Variants in CPLX2 observed in about 807,000 individuals in gnomAD.
CPLX2 encodes the protein complexin-2.
CPLX2 carries 5 observed loss-of-function variants against 16.3 expected under a neutral mutation model. The ratio of observed to expected loss-of-function variants is 0.31; its 90% CI spans 0.16 to 0.64. The LOEUF is 0.64. CPLX2 is among the 30% of genes least tolerant of loss of function. The pLI is 0.79. For missense variants in CPLX2, 144 were observed against 181.4 expected (o/e 0.79, Z 1.18); for synonymous variants, 89 against 73.2 (o/e 1.22, Z -1.10).
At chr5:175,816,269 G>A (rs969744959) in intron 2 of CPLX2, among the ~76,000 whole-genome samples, 1 of 152,096 alleles carries the variant, frequency 6.6e-6, no homozygotes, top group Non-Finnish European at 1.5e-5. Context: ...CTGGGTTCAA[G>A]CGATTCTCCT....
At chr5:175,867,624 T>C (rs1347163002), upstream of CPLX2, among the ~76,000 whole-genome samples, 1 of 152,066 alleles carries the variant, frequency 6.6e-6, no homozygotes, top group Non-Finnish European at 1.5e-5. Flanking sequence ...CGTAGGTCTA[T>C]ACCATCACAC....
At position 175,809,936 on chromosome 5, in the gene CPLX2, C is replaced by T. The variant is rs1297932440; in HGVS notation, c.-89+868C>T. Reference sequence around the variant, plus strand: ...TATGTGGATATAGAGATCGCTCGATCGCTATAGATATCGTTGCTCATCCAG... The same window carrying T: ...TATGTGGATATAGAGATCGCTCGATTGCTATAGATATCGTTGCTCATCCAG... On this transcript the variant is annotated intron_variant, in intron 2 of 4. Transcript: ENST00000359546. The surrounding 1 kb of genome is among the most constrained non-coding windows in gnomAD (Gnocchi z 4.4). Among the ~76,000 whole-genome samples the T allele has an allele frequency of 6.6e-6, 1 of 152,182 alleles. No homozygotes were observed. The highest frequency in any genetic ancestry group is 1.5e-5 in the Non-Finnish European group (1 of 68,038).
At chr5:175,802,098 A>T (rs954651543) in intron 1 of CPLX2, among the ~76,000 whole-genome samples, 9 of 152,218 alleles carry the variant, frequency 5.9e-5, no homozygotes, top group Non-Finnish European at 1.2e-4. Context: ...TGCCTAGGGT[A>T]TTCTCAGAAA....
intron 2 of CPLX2, among the ~76,000 whole-genome samples, chr5:175,863,487 G>A (rs1038537047): frequency 6.6e-6 from 1 of 152,190 alleles, no homozygotes; most frequent in Non-Finnish European, 1.5e-5. Context: ...TGGAGATAAT[G>A]ATATTTAAGG....
rs369063650 is a variant in CPLX2, at chr5:175,802,554, G to A, written c.-169+5770G>A. On this transcript the variant is annotated intron_variant, in intron 1 of 4. Transcript: ENST00000359546. The stretch of plus-strand genomic sequence containing the variant: ...CTGCGACAGCCAGGAGGGCAAGCAG[G>A]GTCTTGCAGTTCAAGCAGCAAATGG... Among the ~76,000 whole-genome samples, 346 of 152,278 alleles carry A rather than the reference G, an allele frequency of 2.3e-3. 1 individual carries two copies. Among genetic ancestry groups the A allele is most frequent in the African/African-American group, 8.0e-3 (333 of 41,568 alleles).
chr5:175,861,184 G>A (rs1468588120), intron 2 of CPLX2, among the ~76,000 whole-genome samples: 1 of 152,168 alleles, frequency 6.6e-6, no homozygotes, highest in Non-Finnish European at 1.5e-5. Flanking sequence ...TGCCAGGCAT[G>A]TATTCTACCT....
intron 2 of CPLX2, among the ~76,000 whole-genome samples, chr5:175,833,383 A>G (rs1758767303): frequency 6.6e-6 from 1 of 152,062 alleles, no homozygotes; most frequent in Non-Finnish European, 1.5e-5. Context: ...ACTCGTGGTG[A>G]AGAAACACAA....
In CPLX2 at chr5:175,879,139, C is replaced by A. The variant is rs139443061; in HGVS notation, c.207+56C>A. On this transcript the variant is annotated intron_variant, in intron 3 of 3. Coordinates refer to ENST00000393745, the MANE Select transcript of CPLX2 (RefSeq NM_001008220.2). ...AGGGCCACAAGCGGGTAAAACCGGTCCAGCTAAAGCCCCTGCTGGGGCTCC... is the reference window on the plus strand; with the variant it reads ...AGGGCCACAAGCGGGTAAAACCGGTACAGCTAAAGCCCCTGCTGGGGCTCC... 2.8e-4 allele frequency: 423 copies of A among 1,498,502 alleles called. 2 individuals are homozygous for A. The African/African-American group carries it at 5.0e-3, about 18-fold the overall frequency. 92.8% of individuals were successfully genotyped at this position (1,498,502 alleles called of 1,614,324 possible).
chr5:175,821,816 A>G (rs2113645806), intron 2 of CPLX2, among the ~76,000 whole-genome samples: 1 of 152,344 alleles, frequency 6.6e-6, no homozygotes, highest in East Asian at 1.9e-4. Flanking sequence ...GCTTGGGTCT[A>G]ATCAAAGATG....
rs111736740 is a variant in CPLX2 at position 175,833,756 on chromosome 5, C to T, written c.-89+24688C>T. On this transcript the variant is annotated intron_variant, in intron 2 of 4. Coordinates refer to the CPLX2 transcript ENST00000359546. ...CAGCCAAAATCAGTCAGTCCCCAGACGGAGGGGACTCTCTCCGCCCCTTCC... is the reference window on the plus strand; with the variant it reads ...CAGCCAAAATCAGTCAGTCCCCAGATGGAGGGGACTCTCTCCGCCCCTTCC... Among the ~76,000 whole-genome samples, 671 of 152,286 alleles carry T rather than the reference C, an allele frequency of 4.4e-3. 6 individuals carry two copies. Among genetic ancestry groups the T allele is most frequent in the African/African-American group, 0.015 (632 of 41,558 alleles).
At chr5:175,831,219 T>C (rs1758730303) in intron 2 of CPLX2, among the ~76,000 whole-genome samples, 1 of 152,158 alleles carries the variant, frequency 6.6e-6, no homozygotes, top group Non-Finnish European at 1.5e-5. Context: ...ACCCTGGAAA[T>C]ACATGGGCAG....
intron 2 of CPLX2, among the ~76,000 whole-genome samples, chr5:175,818,426 G>A (rs1340169165): frequency 1.3e-5 from 2 of 152,072 alleles, no homozygotes; most frequent in Admixed American, 6.6e-5. Context: ...AGCCATGGAA[G>A]GGCGAGTTGT....
intron 1 of CPLX2, among the ~76,000 whole-genome samples, chr5:175,803,022 G>C (rs528354418): frequency 1.5e-4 from 23 of 152,194 alleles, no homozygotes; most frequent in African/African-American, 5.1e-4. Flanking sequence ...AGTAGAGACA[G>C]GGTTTCACCG....
chr5:175,800,487 GA>G (rs11403547), intron 1 of CPLX2, among the ~76,000 whole-genome samples: 30 of 148,004 alleles, frequency 2.0e-4, no homozygotes, highest in Non-Finnish European at 2.8e-4. Context: ...TCTGTCTCCA[GA>G]AAAAAAAAAA....
At chr5:175,848,579 A>G (rs1233284883) in intron 2 of CPLX2, among the ~76,000 whole-genome samples, 1 of 152,236 alleles carries the variant, frequency 6.6e-6, no homozygotes, top group African/African-American at 2.4e-5. Context: ...ACAGAGCCAC[A>G]GGAAGGGTGG....
At chr5:175,875,126 C>T (rs1759727951) in intron 1 of CPLX2, among the ~76,000 whole-genome samples, 2 of 152,230 alleles carry the variant, frequency 1.3e-5, no homozygotes, top group South Asian at 4.2e-4. Context: ...GCTCTGGTCT[C>T]ACAGAGAGGT....
At chr5:175,797,535 C>A (rs1758012349) in intron 1 of CPLX2, among the ~76,000 whole-genome samples, 1 of 152,194 alleles carries the variant, frequency 6.6e-6, no homozygotes, top group Admixed American at 6.5e-5. Flanking sequence ...GAATCGCGGA[C>A]TTCCAAGAGC....
In CPLX2 at chr5:175,865,110, G is replaced by A. The variant is rs149426172; in HGVS notation, c.-88-13542G>A. 1.2e-3 allele frequency among the ~76,000 whole-genome samples: 182 copies of A among 149,678 alleles called. 2 individuals are homozygous for A. The highest frequency in any genetic ancestry group is 8.3e-3 in the Admixed American group (126 of 15,162). On this transcript the variant is annotated intron_variant, in intron 2 of 4. Coordinates refer to the CPLX2 transcript ENST00000359546. ...CGCGCGCACACACACACACACACTC[G>A]TCTATTAATCTCCAGTAGCATTCCT...
rs189021577 is a variant in CPLX2 at position 175,822,141 on chromosome 5, C to T, written c.-89+13073C>T. 7.0e-4 allele frequency among the ~76,000 whole-genome samples: 107 copies of T among 152,304 alleles called. 1 individual carries two copies. Among genetic ancestry groups the T allele is most frequent in the African/African-American group, 2.3e-3 (96 of 41,562 alleles). On this transcript the variant is annotated intron_variant, in intron 2 of 4. Coordinates refer to the CPLX2 transcript ENST00000359546. ...CTCTGATTCTGACTCACTTCCTTAC[C>T]GATCTCACCACCTTCTCCTTCATTT...
Sources: allele counts gnomAD v4.1 joint callset (sites outside exome capture counted in the v4.1 genomes callset), GRCh38; gene constraint gnomAD v4.1.1; non-coding constraint Gnocchi (gnomAD v3.1); transcripts MANE v1.5; gene names NCBI Gene and HGNC (gene_info 2026-07-23, HGNC 2026-07-21).